The following FAF1 variants were observed in gnomAD, a reference collection of about 807,000 sequenced individuals.
FAF1 encodes the protein Fas associated factor 1.
In FAF1, 25 loss-of-function variants were observed where a neutral mutation model predicts 92.5. The ratio of observed to expected loss-of-function variants is 0.27; its 90% CI spans 0.20 to 0.38. The LOEUF (loss-of-function observed/expected upper bound fraction) is 0.38. FAF1 is among the 10% of genes least tolerant of loss of function. The pLI is 1.00. For missense variants in FAF1, 636 were observed against 793.3 expected, an observed-to-expected ratio of 0.80 and a Z score of 2.38; for synonymous variants, 234 against 273.2, an observed-to-expected ratio of 0.86 and a Z score of 1.42.
At chr1:50,923,468 A>G (rs1023971452) in intron 1 of FAF1, among the ~76,000 whole-genome samples, 1 of 152,180 alleles carries the variant, frequency 6.6e-6, no homozygotes, top group African/African-American at 2.4e-5. Context: ...GAAGCCCAGG[A>G]CCAGATGGCT....
intron 6 of FAF1, among the ~76,000 whole-genome samples, chr1:50,707,819 G>A (rs1456462248): frequency 1.3e-5 from 2 of 152,182 alleles, no homozygotes; most frequent in African/African-American, 4.8e-5. Context: ...TAGAAGGCAA[G>A]AGTCATTCAT....
chr1:50,642,341 ATTG>A, intron 8 of FAF1, among the ~76,000 whole-genome samples: 1 of 151,218 alleles, frequency 6.6e-6, no homozygotes, highest in Non-Finnish European at 1.5e-5. Flanking sequence ...AGATCAACCT[ATTG>A]TTCTCATTTA....
intron 13 of FAF1, among the ~76,000 whole-genome samples, chr1:50,550,267 C>T (rs975669403): frequency 4.7e-5 from 7 of 147,898 alleles, no homozygotes; most frequent in Non-Finnish European, 1.0e-4. Flanking sequence ...AGGAGAATGG[C>T]GTGAACCCAG....
At chr1:50,548,443 A>G (rs746040060) in intron 13 of FAF1, among the ~76,000 whole-genome samples, 2 of 152,254 alleles carry the variant, frequency 1.3e-5, no homozygotes, top group Non-Finnish European at 2.9e-5. Flanking sequence ...TATTTGTTGC[A>G]TGAATGGGCC....
chr1:50,819,716 CGT>C lies in FAF1; in HGVS notation c.115-18041_115-18040del, dbSNP rs1491382260. On this transcript the variant is annotated intron_variant, in intron 2 of 18. Coordinates refer to ENST00000396153, the MANE Select transcript of FAF1 (RefSeq NM_007051.3). ...ACATATATATATACATATATATATA[CGT>C]ATATATATATACATATATATACATA... 9.3e-3 allele frequency among the ~76,000 whole-genome samples: 171 copies of C among 18,484 alleles called. 13 individuals carry two copies. Among genetic ancestry groups the C allele is most frequent in the African/African-American group, 0.026 (146 of 5,654 alleles). The allele number at this position is 18,484 out of a possible 152,430, so 12.1% of individuals were successfully genotyped here.
At chr1:50,941,033 G>T (rs201561229) in intron 1 of FAF1, among the ~76,000 whole-genome samples, 106 of 138,236 alleles carry the variant, frequency 7.7e-4, no homozygotes, top group South Asian at 5.5e-3. Context: ...GGTTTTTTTG[G>T]TTTTTTTTTT....
At chr1:50,515,522 T>C (rs1024297153) in intron 15 of FAF1, among the ~76,000 whole-genome samples, 9 of 152,116 alleles carry the variant, frequency 5.9e-5, no homozygotes, top group Admixed American at 1.3e-4. Context: ...AGACCATAGT[T>C]TGAAAAGCAC....
intron 8 of FAF1, among the ~76,000 whole-genome samples, chr1:50,627,916 G>T (rs535508233): frequency 1.6e-4 from 24 of 152,088 alleles, no homozygotes; most frequent in African/African-American, 5.5e-4. Context: ...GCAGTCATTC[G>T]TACCTAAAGA....
At chr1:50,602,357 A>G (rs1404036825) in intron 8 of FAF1, among the ~76,000 whole-genome samples, 3 of 152,194 alleles carry the variant, frequency 2.0e-5, no homozygotes, top group African/African-American at 7.2e-5. Flanking sequence ...TGCACTGATG[A>G]TCTTTTTAAT....
intron 8 of FAF1, among the ~76,000 whole-genome samples, chr1:50,636,379 C>CTTTTTTTTTTTTTTTTTTT (rs1213567555): frequency 2.5e-5 from 2 of 79,890 alleles, no homozygotes; most frequent in Non-Finnish European, 4.5e-5. Flanking sequence ...GGGGCGTGTC[C>CTTTTTTTTTTTTTTTTTTT]TTTTTTTTTT....
intron 12 of FAF1, among the ~76,000 whole-genome samples, chr1:50,575,904 A>T (rs2149062081): frequency 6.6e-6 from 1 of 152,364 alleles, no homozygotes; most frequent in South Asian, 2.1e-4. Context: ...TGGCATTTAG[A>T]TTTCTTTCAA....
At chr1:50,849,690 T>C (rs1301447929) in intron 2 of FAF1, among the ~76,000 whole-genome samples, 1 of 152,138 alleles carries the variant, frequency 6.6e-6, no homozygotes, top group Non-Finnish European at 1.5e-5. Flanking sequence ...CCTCTAGAAC[T>C]ATACGTCAGT....
chr1:50,640,685 C>T (rs886744722), intron 8 of FAF1, among the ~76,000 whole-genome samples: 15 of 152,076 alleles, frequency 9.9e-5, no homozygotes, highest in Admixed American at 7.2e-4. Context: ...CAGAATTTAT[C>T]GGCCCAAAGT....
At chr1:50,467,881 G>T (rs1557957328) in intron 18 of FAF1, among the ~76,000 whole-genome samples, 1 of 152,098 alleles carries the variant, frequency 6.6e-6, no homozygotes, top group African/African-American at 2.4e-5. Context: ...TAATTAGCTT[G>T]ATTTACTCTT....
At chr1:50,473,358 C>T (rs1646600046) in intron 18 of FAF1, among the ~76,000 whole-genome samples, 1 of 152,082 alleles carries the variant, frequency 6.6e-6, no homozygotes. Context: ...ATGCAAAGTC[C>T]TTAAACTCTA....
chr1:50,911,836 C>T (rs1158687608), intron 1 of FAF1, among the ~76,000 whole-genome samples: 1 of 152,124 alleles, frequency 6.6e-6, no homozygotes, highest in Non-Finnish European at 1.5e-5. Context: ...AGTTCAAGAC[C>T]AGCCTGGGCA....
chr1:50,701,569 T>C (rs1034989008), intron 7 of FAF1, among the ~76,000 whole-genome samples: 8 of 152,108 alleles, frequency 5.3e-5, no homozygotes, highest in Non-Finnish European at 1.0e-4. Flanking sequence ...GTCCAAAATA[T>C]ACGCTAGTCA....
chr1:50,532,097 G>T (rs1369860551), intron 15 of FAF1, among the ~76,000 whole-genome samples: 1 of 152,106 alleles, frequency 6.6e-6, no homozygotes, highest in East Asian at 1.9e-4. Context: ...TAGTCCAAAA[G>T]AAGTCTTTAA....
At chr1:50,530,795 C>T (rs1648126159) in intron 15 of FAF1, among the ~76,000 whole-genome samples, 1 of 151,966 alleles carries the variant, frequency 6.6e-6, no homozygotes, top group East Asian at 1.9e-4. Flanking sequence ...AAACAAACAA[C>T]CAACAAGAAC....
Sources: allele counts gnomAD v4.1 joint callset (sites outside exome capture counted in the v4.1 genomes callset), GRCh38; gene constraint gnomAD v4.1.1; transcripts MANE v1.5; gene names NCBI Gene and HGNC (gene_info 2026-07-23, HGNC 2026-07-21).